The following SLIT3 variants were observed in gnomAD, a reference collection of about 807,000 sequenced individuals.
SLIT3 encodes slit guidance ligand 3.
Under a neutral mutation model 184.0 loss-of-function variants are expected in SLIT3, and 68 were observed. That is an observed-to-expected ratio of 0.37 (90% CI 0.30 to 0.45). SLIT3 has a LOEUF of 0.45. Among genes scored for constraint, SLIT3 ranks in the 20% least tolerant of loss-of-function variants. The pLI is 1.00. For synonymous variants in SLIT3, 831 were observed against 828.6 expected, an observed-to-expected ratio of 1.00 and a Z score of -0.05; for missense variants, 1,707 against 2,026.0, an observed-to-expected ratio of 0.84 and a Z score of 3.02.
intron 4 of SLIT3, among the ~76,000 whole-genome samples, chr5:169,020,970 G>T (rs1467970589): frequency 1.3e-5 from 2 of 152,194 alleles, no homozygotes; most frequent in African/African-American, 2.4e-5. Flanking sequence ...AAGTGTCAGG[G>T]TTAGAGTCCT....
chr5:168,751,754 G>GTCTCGC (rs2113468057), intron 18 of SLIT3, among the ~76,000 whole-genome samples: 1 of 145,658 alleles, frequency 6.9e-6, no homozygotes, highest in South Asian at 2.1e-4. Context: ...TTGAGACGAA[G>GTCTCGC]TCTCGCTCTC....
Position 169,300,844 on chromosome 5 carries a change from TGCTCAGGCGCACGGG to T in SLIT3, c.-150_-136del. The T allele has an allele frequency of 1.1e-6, 1 of 896,298 alleles. No homozygotes were observed. The highest frequency in any genetic ancestry group is 1.4e-6 in the Non-Finnish European group (1 of 693,484). The allele number at this position is 896,298 out of a possible 1,614,324, so 55.5% of individuals were successfully genotyped here. On this transcript the variant is annotated 5_prime_UTR_variant, in exon 1 of 36. It removes the in-frame stop codon of an upstream open reading frame in the 5' UTR. Transcript: ENST00000519560. The surrounding 1 kb of genome is among the most constrained non-coding windows in gnomAD (Gnocchi z 4.1). ...TAGCGCGGAGGAGGGGCGAGCTCGG[TGCTCAGGCGCACGGG>T]GCGCGGGCGGAGCGGGGCGCTCCGG...
intron 4 of SLIT3, among the ~76,000 whole-genome samples, chr5:168,985,921 C>A (rs1369575040): frequency 6.6e-6 from 1 of 152,108 alleles, no homozygotes; most frequent in Non-Finnish European, 1.5e-5. Context: ...GGGAGTGCCG[C>A]ACTCCCAAGC....
At chr5:168,886,925 G>A (rs574085669) in intron 4 of SLIT3, among the ~76,000 whole-genome samples, 2 of 152,280 alleles carry the variant, frequency 1.3e-5, no homozygotes, top group East Asian at 3.9e-4. Context: ...AAGTCAAATA[G>A]GAGTTGGCAA....
chr5:169,114,163 C>G (rs144812387), intron 4 of SLIT3, among the ~76,000 whole-genome samples: 1 of 152,120 alleles, frequency 6.6e-6, no homozygotes, highest in South Asian at 2.1e-4. Flanking sequence ...TGGAGTGTGA[C>G]CAGAGTAGGA....
At chr5:169,194,257 A>G (rs1265459883) in intron 3 of SLIT3, among the ~76,000 whole-genome samples, 4 of 150,376 alleles carry the variant, frequency 2.7e-5, no homozygotes, top group South Asian at 2.1e-4. Context: ...AAAAAAAAAA[A>G]AAAAAGAAGA....
At chr5:168,997,701 A>G (rs1340824284) in intron 4 of SLIT3, among the ~76,000 whole-genome samples, 1 of 152,112 alleles carries the variant, frequency 6.6e-6, no homozygotes, top group Non-Finnish European at 1.5e-5. Flanking sequence ...GCAAACTCCT[A>G]ACTCTGCTGG....
At position 168,753,115 on chromosome 5, in the gene SLIT3, G is replaced by A; in HGVS notation, c.1830-17C>T. The A allele has an allele frequency of 6.2e-7, 1 of 1,613,512 alleles. No individual in the cohort carries two copies. Among genetic ancestry groups the A allele is most frequent in the Non-Finnish European group, 8.5e-7 (1 of 1,179,632 alleles). On this transcript the variant is annotated splice_polypyrimidine_tract_variant and intron_variant, in intron 17 of 35. Transcript: ENST00000519560. ...CTCAGCATCCTACAGGGAGAGGGGT[G>A]GGGATGAGAGAGCACAGGCATGATC...
chr5:168,921,194 A>T (rs1761623884), intron 4 of SLIT3, among the ~76,000 whole-genome samples: 1 of 152,214 alleles, frequency 6.6e-6, no homozygotes, highest in Non-Finnish European at 1.5e-5. Flanking sequence ...CTGCACAGAA[A>T]ATAGCTCTCC....
At chr5:169,027,141 G>C (rs1756861273) in intron 4 of SLIT3, among the ~76,000 whole-genome samples, 2 of 152,278 alleles carry the variant, frequency 1.3e-5, no homozygotes, top group Middle Eastern at 6.8e-3. Flanking sequence ...TTGCTCATGT[G>C]CCCTGGGGTT....
intron 4 of SLIT3, among the ~76,000 whole-genome samples, chr5:169,081,301 AAGG>A (rs1451952359): frequency 6.6e-6 from 1 of 152,110 alleles, no homozygotes; most frequent in East Asian, 1.9e-4. Flanking sequence ...AGAGGAGAGG[AAGG>A]AGGTTTCATG....
At chr5:169,169,970 G>A (rs984940032) in intron 4 of SLIT3, among the ~76,000 whole-genome samples, 1 of 152,206 alleles carries the variant, frequency 6.6e-6, no homozygotes, top group Non-Finnish European at 1.5e-5. Flanking sequence ...CTGTGATGTG[G>A]GCAGGCAGTT....
chr5:169,207,366 T>TACACAC (rs1360535639), intron 3 of SLIT3, among the ~76,000 whole-genome samples: 13 of 84,442 alleles, frequency 1.5e-4, no homozygotes, highest in Middle Eastern at 6.8e-3. Flanking sequence ...TACATACACA[T>TACACAC]ACATACACAC....
rs920007869 is a variant in SLIT3, at chr5:168,847,146, T to G, written c.486-2491A>C. The stretch of plus-strand genomic sequence containing the variant: ...GTGACGTTTAAATATTTTCAGTGGG[T>G]GGCACAAGTTGACATCAAGTTTATT... On this transcript the variant is annotated intron_variant, in intron 5 of 35. Transcript: ENST00000519560. Among the ~76,000 whole-genome samples the G allele has an allele frequency of 9.8e-5, 15 of 152,318 alleles. No homozygotes were observed. The East Asian group carries it at 2.7e-3, about 27-fold the overall frequency.
At chr5:169,194,140 C>T (rs1763662310) in intron 3 of SLIT3, among the ~76,000 whole-genome samples, 1 of 141,122 alleles carries the variant, frequency 7.1e-6, no homozygotes, top group Non-Finnish European at 1.5e-5. Flanking sequence ...GAGGCTGAGG[C>T]AGGAGAATCG....
chr5:168,699,496 G>A (rs1012095897), intron 27 of SLIT3, among the ~76,000 whole-genome samples: 4 of 152,236 alleles, frequency 2.6e-5, no homozygotes, highest in Non-Finnish European at 5.9e-5. Flanking sequence ...CAGTGAAACT[G>A]GGCATCTAAA....
chr5:168,928,253 G>C (rs1761892168), intron 4 of SLIT3, among the ~76,000 whole-genome samples: 1 of 151,962 alleles, frequency 6.6e-6, no homozygotes, highest in Non-Finnish European at 1.5e-5. Flanking sequence ...GCTTTAAGAA[G>C]AAAATAATTT....
chr5:168,683,507 G>T (rs993634771), intron 32 of SLIT3, among the ~76,000 whole-genome samples: 3 of 152,172 alleles, frequency 2.0e-5, no homozygotes, highest in Non-Finnish European at 4.4e-5. Flanking sequence ...AGGAAAAGCT[G>T]CCCTTCAGGA....
intron 4 of SLIT3, among the ~76,000 whole-genome samples, chr5:169,090,692 A>G (rs543330772): frequency 3.6e-4 from 55 of 152,360 alleles, no homozygotes; most frequent in Admixed American, 1.6e-3. Flanking sequence ...GATGGGCTTC[A>G]TAGACAGACA....
Sources: gnomAD v4.1 joint callset for allele counts (sites outside exome capture counted in the v4.1 genomes callset) on GRCh38, gnomAD v4.1.1 for gene constraint, Gnocchi (gnomAD v3.1) non-coding constraint, MANE v1.5 for transcripts, NCBI Gene and HGNC (gene_info 2026-07-23, HGNC 2026-07-21) for gene names.